The following ADAMTSL1 variants were observed in gnomAD, a reference collection of about 807,000 sequenced individuals.
The protein encoded by ADAMTSL1 is ADAMTS like 1, also known as ADAMTS-like protein 1.
ADAMTSL1 carries 126 observed loss-of-function variants against 201.8 expected under a neutral mutation model. The ratio of observed to expected loss-of-function variants is 0.62; its 90% CI spans 0.54 to 0.72. The LOEUF is 0.72. Ranked by LOEUF, ADAMTSL1 falls within the 30% of genes least tolerant of loss-of-function variation. ADAMTSL1 has a pLI of 0.00. For missense variants in ADAMTSL1, 2,679 were observed against 2,277.8 expected (o/e 1.18, Z -3.59); for synonymous variants, 1,121 against 903.4 (o/e 1.24, Z -4.32).
intron 3 of ADAMTSL1, among the ~76,000 whole-genome samples, chr9:18,556,020 A>T (rs1183542946): frequency 6.6e-6 from 1 of 151,970 alleles, no homozygotes; most frequent in East Asian, 1.9e-4. Flanking sequence ...TAAAAAAAGA[A>T]AGAAGAAAAC....
chr9:18,051,849 A>T (rs1458890224), intron 1 of ADAMTSL1, among the ~76,000 whole-genome samples: 1 of 152,210 alleles, frequency 6.6e-6, no homozygotes, highest in African/African-American at 2.4e-5. Context: ...GACAAAAAAA[A>T]GTAGGTGACC....
Position 18,236,538 on chromosome 9 carries a change from CTGTGATGATGATGGAAAATG to C in ADAMTSL1, c.207+72562_207+72581del, listed in dbSNP as rs1485271404. Among the ~76,000 whole-genome samples the C allele has an allele frequency of 2.0e-5, 3 of 152,268 alleles. No homozygotes were observed. In the East Asian group the frequency reaches 5.8e-4, roughly 29 times the overall value. On this transcript the variant is annotated intron_variant, in intron 2 of 29. Coordinates refer to the ADAMTSL1 transcript ENST00000680146. ...TAGTACATAAACCTGCTTCCCTTTC[CTGTGATGATGATGGAAAATG>C]TGTGTTTGTACTTTTCATCAAAGTT...
At chr9:18,775,332 T>G (rs1820913194) in intron 17 of ADAMTSL1, among the ~76,000 whole-genome samples, 1 of 152,224 alleles carries the variant, frequency 6.6e-6, no homozygotes, top group South Asian at 2.1e-4. Context: ...GAATTAGCAA[T>G]AATTGTCATT....
chr9:18,773,343 G>A (rs1046375491), intron 17 of ADAMTSL1, among the ~76,000 whole-genome samples: 64 of 152,090 alleles, frequency 4.2e-4, no homozygotes, highest in Admixed American at 4.1e-3. Context: ...TCCTGAAAGA[G>A]TTTGATATTA....
intron 2 of ADAMTSL1, among the ~76,000 whole-genome samples, chr9:18,191,346 G>A (rs1016105476): frequency 2.6e-5 from 4 of 152,164 alleles, no homozygotes; most frequent in Non-Finnish European, 5.9e-5. Context: ...CTCAACCCTT[G>A]AGACTGAGGA....
rs16936181 is a variant in ADAMTSL1, at chr9:17,987,806, A to C, written c.87+80884A>C. 7.4e-3 allele frequency among the ~76,000 whole-genome samples: 1,132 copies of C among 152,166 alleles called. 22 individuals carry two copies. Among genetic ancestry groups the C allele is most frequent in the African/African-American group, 0.025 (1,056 of 41,550 alleles). On this transcript the variant is annotated intron_variant, in intron 1 of 29. Coordinates refer to the ADAMTSL1 transcript ENST00000680146. ...GTTCCCTAAATGTGTTGCTTGACTG[A>C]GTTAAATGCAGACTCAGTCAGCAGT...
Position 18,060,051 on chromosome 9 carries a change from GTTGAGC to G in ADAMTSL1, c.88-103809_88-103804del, listed in dbSNP as rs1175643362. 3.3e-5 allele frequency among the ~76,000 whole-genome samples: 5 copies of G among 152,144 alleles called. No individual in the cohort carries two copies. The East Asian group carries it at 9.6e-4, about 29-fold the overall frequency. On this transcript the variant is annotated intron_variant, in intron 1 of 29. Coordinates refer to the ADAMTSL1 transcript ENST00000680146. ...AAATATCTTTTTCCCTAGCTACCCAGTTGAGCTCCTTGGAGTTAACCACTGTTGTGA... is the reference window on the plus strand; with the variant it reads ...AAATATCTTTTTCCCTAGCTACCCAGTCCTTGGAGTTAACCACTGTTGTGA...
intron 1 of ADAMTSL1, among the ~76,000 whole-genome samples, chr9:18,089,615 G>A (rs1251916490): frequency 1.3e-5 from 2 of 152,032 alleles, no homozygotes; most frequent in Non-Finnish European, 2.9e-5. Flanking sequence ...TAATAAAAAA[G>A]GAAAAGTATG....
intron 2 of ADAMTSL1, among the ~76,000 whole-genome samples, chr9:18,385,917 G>C (rs971604936): frequency 8.5e-5 from 13 of 152,140 alleles, no homozygotes; most frequent in Admixed American, 7.9e-4. Context: ...ACTCATTCTT[G>C]TTTCTCAAGT....
chr9:18,567,967 T>A (rs1285229103), intron 3 of ADAMTSL1, among the ~76,000 whole-genome samples: 1 of 152,210 alleles, frequency 6.6e-6, no homozygotes, highest in Non-Finnish European at 1.5e-5. Context: ...TATAACTCTA[T>A]GCTATTATAA....
chr9:18,461,250 A>C (rs2131709037), intron 2 of ADAMTSL1, among the ~76,000 whole-genome samples: 1 of 152,302 alleles, frequency 6.6e-6, no homozygotes, highest in East Asian at 1.9e-4. Context: ...TTTAATCAAA[A>C]TATGTTATTG....
intron 23 of ADAMTSL1, among the ~76,000 whole-genome samples, chr9:18,862,573 A>G (rs1200610927): frequency 6.6e-6 from 1 of 152,208 alleles, no homozygotes; most frequent in African/African-American, 2.4e-5. Context: ...TGAAACATCA[A>G]TTTCATTCCT....
At chr9:18,558,843 C>G (rs530632640) in intron 3 of ADAMTSL1, among the ~76,000 whole-genome samples, 58 of 152,168 alleles carry the variant, frequency 3.8e-4, no homozygotes, top group African/African-American at 1.4e-3. Context: ...CATTTGCCCA[C>G]TTTTTGATAG....
At chr9:18,188,644 G>T (rs938840147) in intron 2 of ADAMTSL1, among the ~76,000 whole-genome samples, 1 of 152,116 alleles carries the variant, frequency 6.6e-6, no homozygotes, top group Non-Finnish European at 1.5e-5. Flanking sequence ...TATTGACAAA[G>T]CTACTTGAAT....
intron 2 of ADAMTSL1, among the ~76,000 whole-genome samples, chr9:18,191,739 C>A (rs935230598): frequency 6.6e-6 from 1 of 152,164 alleles, no homozygotes; most frequent in Non-Finnish European, 1.5e-5. Context: ...ATTGTGGTAA[C>A]TGGCATCAAT....
chr9:18,151,193 A>G (rs1425053301), intron 1 of ADAMTSL1, among the ~76,000 whole-genome samples: 1 of 152,082 alleles, frequency 6.6e-6, no homozygotes, highest in African/African-American at 2.4e-5. Context: ...TGTTATTTAG[A>G]TGCCTAAAAA....
At chr9:18,562,148 A>G (rs7039018) in intron 3 of ADAMTSL1, among the ~76,000 whole-genome samples, 3,341 of 152,252 alleles carry the variant, frequency 0.022, 67 homozygotes, top group Middle Eastern at 0.058. Flanking sequence ...ATGTTTTTGC[A>G]TTGGCTGGTA....
Position 18,908,552 on chromosome 9 carries a change from T to C in ADAMTSL1, c.*4T>C. On this transcript the variant is annotated 3_prime_UTR_variant, in exon 29 of 29. Coordinates refer to ENST00000380548, the MANE Select transcript of ADAMTSL1 (RefSeq NM_001040272.6). Reference sequence around the variant, plus strand: ...TGGAACTTGTGGCAAAGCGTGAAGATAGGGTGTGGGGAAAAACTCTACCCT... The same window carrying C: ...TGGAACTTGTGGCAAAGCGTGAAGACAGGGTGTGGGGAAAAACTCTACCCT... 6.4e-7 allele frequency: 1 copy of C among 1,556,816 alleles called. No homozygotes were observed. Among genetic ancestry groups the C allele is most frequent in the Non-Finnish European group, 8.7e-7 (1 of 1,149,958 alleles).
chr9:18,633,606 A>C (rs905351386), intron 5 of ADAMTSL1, among the ~76,000 whole-genome samples: 1 of 150,774 alleles, frequency 6.6e-6, no homozygotes, highest in African/African-American at 2.4e-5. Flanking sequence ...AAAAACAAAC[A>C]AACCAAAGAA....
Sources: allele counts gnomAD v4.1 joint callset (sites outside exome capture counted in the v4.1 genomes callset), GRCh38; gene constraint gnomAD v4.1.1; transcripts MANE v1.5; gene names NCBI Gene and HGNC (gene_info 2026-07-23, HGNC 2026-07-21).